Variants in HDLBP observed in about 807,000 individuals in gnomAD.
HDLBP encodes high density lipoprotein binding protein.
Under a neutral mutation model 137.3 loss-of-function variants are expected in HDLBP, and 30 were observed. The ratio of observed to expected loss-of-function variants is 0.22; its 90% confidence interval spans 0.16 to 0.30. HDLBP has a LOEUF of 0.30. HDLBP is among the 10% of genes least tolerant of loss of function. The probability of loss-of-function intolerance (pLI) is 1.00; values close to 1 mark genes in which losing one functional copy is unlikely to be tolerated. For missense variants in HDLBP, 1,119 were observed against 1,667.3 expected (o/e 0.67, Z 5.73); for synonymous variants, 606 against 596.0 (o/e 1.02, Z -0.24).
chr2:241,280,037 G>A (rs2074538441), intron 1 of HDLBP: 1 of 985,228 alleles, frequency 1.0e-6, no homozygotes, highest in Admixed American at 6.2e-5. Flanking sequence ...CAGAGATGTG[G>A]AGGACAGGCG....
chr2:241,293,353 T>C (rs959940776), intron 1 of HDLBP, among the ~76,000 whole-genome samples: 3 of 151,764 alleles, frequency 2.0e-5, no homozygotes, highest in South Asian at 4.2e-4. Flanking sequence ...AGAAAAGCCA[T>C]GCATGATGGC....
intron 1 of HDLBP, 160 bp from the exon 2 acceptor site, chr2:241,268,701 A>G (rs1431901170): frequency 1.9e-5 from 3 of 160,010 alleles, no homozygotes; most frequent in African/African-American, 7.3e-5. Flanking sequence ...TTCTTGGAAG[A>G]AAAAAAAAAC....
chr2:241,273,351 TC>T (rs557843955), intron 1 of HDLBP: 5 of 628,396 alleles, frequency 8.0e-6, no homozygotes, highest in African/African-American at 2.0e-5. Flanking sequence ...CAACTTAATC[TC>T]CCCCCCAAAA....
intron 1 of HDLBP, among the ~76,000 whole-genome samples, chr2:241,302,254 TCAAA>T (rs1320919120): frequency 1.3e-5 from 2 of 152,020 alleles, no homozygotes; most frequent in African/African-American, 2.4e-5. Flanking sequence ...AGACCCTGTG[TCAAA>T]CAAACAAACT....
intron 2 of HDLBP, chr2:241,267,441 A>C (rs571301893): frequency 2.6e-6 from 2 of 776,496 alleles, no homozygotes; most frequent in East Asian, 2.7e-5. Context: ...GACACAGTCA[A>C]CACCACCCCT....
intron 1 of HDLBP, among the ~76,000 whole-genome samples, chr2:241,310,924 G>C (rs1180050733): frequency 6.6e-6 from 1 of 152,108 alleles, no homozygotes; most frequent in Non-Finnish European, 1.5e-5. Flanking sequence ...AGATCAGCCT[G>C]GGCAACATAG....
intron 23 of HDLBP, among the ~76,000 whole-genome samples, chr2:241,234,364 G>A (rs770901426): frequency 1.3e-5 from 2 of 152,214 alleles, no homozygotes; most frequent in African/African-American, 2.4e-5. Flanking sequence ...ACCAAGAAGA[G>A]GGGGCAGCCA....
intron 1 of HDLBP, among the ~76,000 whole-genome samples, chr2:241,270,784 C>A (rs995683250): frequency 6.6e-6 from 1 of 152,218 alleles, no homozygotes; most frequent in African/African-American, 2.4e-5. Context: ...GTGGATCTTT[C>A]AGCAACCCCA....
chr2:241,267,197 G>A (rs1482006198), intron 2 of HDLBP, among the ~76,000 whole-genome samples: 1 of 151,834 alleles, frequency 6.6e-6, no homozygotes, highest in Non-Finnish European at 1.5e-5. Flanking sequence ...ATAAACTAAT[G>A]ATAGCTAATA....
chr2:241,303,176 A>G (rs2075448694), intron 1 of HDLBP, among the ~76,000 whole-genome samples: 1 of 152,234 alleles, frequency 6.6e-6, no homozygotes, highest in African/African-American at 2.4e-5. Flanking sequence ...CCAGCCAGCC[A>G]AACGAGCTGT....
chr2:241,246,451 A>G, intron 16 of HDLBP: 1 of 310,506 alleles, frequency 3.2e-6, no homozygotes, highest in African/African-American at 2.2e-5. Context: ...AATTTTTTTT[A>G]AAGGAAAGAA....
At chr2:241,231,232 A>G (rs1157891423) in intron 24 of HDLBP, 2 of 300,692 alleles carry the variant, frequency 6.7e-6, no homozygotes, top group Non-Finnish European at 1.3e-5. Flanking sequence ...TAAAAATACA[A>G]TATTAGCCGG....
At chr2:241,273,774 G>A in intron 1 of HDLBP, 3 of 561,078 alleles carry the variant, frequency 5.3e-6, no homozygotes, top group South Asian at 7.7e-5. Flanking sequence ...CGCACAGCCT[G>A]CAGCCAGGCC....
intron 1 of HDLBP, among the ~76,000 whole-genome samples, chr2:241,274,248 T>G (rs2074307026): frequency 6.6e-6 from 1 of 152,086 alleles, no homozygotes; most frequent in Non-Finnish European, 1.5e-5. Context: ...ATGCACTTCA[T>G]GACACCACCT....
intron 1 of HDLBP, among the ~76,000 whole-genome samples, chr2:241,295,441 A>C (rs2075142791): frequency 6.6e-6 from 1 of 152,204 alleles, no homozygotes; most frequent in Non-Finnish European, 1.5e-5. Context: ...AGTAACAGTG[A>C]AGGCAAGCTT....
chr2:241,295,450 T>C (rs1017903243), intron 1 of HDLBP, among the ~76,000 whole-genome samples: 18 of 152,128 alleles, frequency 1.2e-4, no homozygotes, highest in Non-Finnish European at 2.1e-4. Flanking sequence ...GAAGGCAAGC[T>C]TGGCAAGTTG....
chr2:241,262,105 A>G (rs1263737108), intron 5 of HDLBP, among the ~76,000 whole-genome samples: 2 of 152,286 alleles, frequency 1.3e-5, no homozygotes, highest in African/African-American at 4.8e-5. Flanking sequence ...AAGTCCAAGT[A>G]CTGGCATCAG....
rs2073450716 is a variant in HDLBP at position 241,264,169 on chromosome 2, C to T, written c.234+279G>A. ...ACGAGGTCAGGAGATGGAGACCATC[C>T]TTGTTAAGATGGTGAAACCCCGTCT... On this transcript the variant is annotated intron_variant, in intron 4 of 27. Transcript: ENST00000310931. 2.0e-5 allele frequency among the ~76,000 whole-genome samples: 3 copies of T among 151,778 alleles called. No homozygotes were observed. In the South Asian group the frequency reaches 6.2e-4, roughly 32 times the overall value.
intron 1 of HDLBP, among the ~76,000 whole-genome samples, chr2:241,296,548 A>G (rs554416570): frequency 3.3e-5 from 5 of 152,374 alleles, no homozygotes; most frequent in African/African-American, 1.2e-4. Flanking sequence ...GTCAAGATAC[A>G]AATGGAGTTT....
Sources: gnomAD v4.1 joint callset for allele counts (sites outside exome capture counted in the v4.1 genomes callset) on GRCh38, gnomAD v4.1.1 for gene constraint, MANE v1.5 for transcripts, NCBI Gene and HGNC (gene_info 2026-07-23, HGNC 2026-07-21) for gene names.